The following ARHGEF7 variants were observed in gnomAD, a reference collection of about 807,000 sequenced individuals.
ARHGEF7 encodes PAK-interacting exchange factor beta.
In ARHGEF7, 33 loss-of-function variants were observed where a neutral mutation model predicts 109.8. That is an observed-to-expected ratio of 0.30 (90% CI 0.23 to 0.40). ARHGEF7 has a LOEUF of 0.40. Ranked by LOEUF, ARHGEF7 falls within the 10% of genes least tolerant of loss-of-function variation. ARHGEF7 has a pLI of 1.00. For synonymous variants in ARHGEF7, 458 were observed against 424.6 expected (o/e 1.08, Z -0.97); for missense variants, 938 against 1,098.5 (o/e 0.85, Z 2.07).
chr13:111,195,941 G>C (rs916860208), intron 2 of ARHGEF7, among the ~76,000 whole-genome samples: 1 of 152,138 alleles, frequency 6.6e-6, no homozygotes, highest in Non-Finnish European at 1.5e-5. Flanking sequence ...AGAACACTGA[G>C]GTTGCCAGGT....
intron 2 of ARHGEF7, among the ~76,000 whole-genome samples, chr13:111,199,925 A>T (rs2081015749): frequency 1.3e-5 from 2 of 152,170 alleles, no homozygotes; most frequent in South Asian, 2.1e-4. Context: ...CCACATTTGC[A>T]TGGGCTCACC....
intron 4 of ARHGEF7, among the ~76,000 whole-genome samples, chr13:111,215,123 C>G (rs766421338): frequency 6.6e-6 from 1 of 151,490 alleles, no homozygotes; most frequent in Non-Finnish European, 1.5e-5. Context: ...ATGGGGTACA[C>G]GAGCTGTCTT....
intron 2 of ARHGEF7, among the ~76,000 whole-genome samples, chr13:111,199,193 G>A (rs562575298): frequency 2.2e-4 from 33 of 152,302 alleles, no homozygotes; most frequent in African/African-American, 7.5e-4. Context: ...TGGGCTGGAT[G>A]TAGACTCCTC....
intron 1 of ARHGEF7, among the ~76,000 whole-genome samples, chr13:111,139,296 C>T (rs919711579): frequency 6.6e-6 from 1 of 152,132 alleles, no homozygotes; most frequent in Non-Finnish European, 1.5e-5. Flanking sequence ...GGAACGACAG[C>T]AGGATTCTTC....
intron 2 of ARHGEF7, among the ~76,000 whole-genome samples, chr13:111,177,584 T>C (rs2078293251): frequency 6.6e-6 from 1 of 152,202 alleles, no homozygotes; most frequent in African/African-American, 2.4e-5. Context: ...CACACGGTCC[T>C]GCTGGCAGTC....
chr13:111,147,231 G>A (rs532532253), intron 1 of ARHGEF7, among the ~76,000 whole-genome samples: 1 of 152,280 alleles, frequency 6.6e-6, no homozygotes, highest in East Asian at 1.9e-4. Context: ...AGGAATTGCC[G>A]GTCTTAGGGT....
intron 18 of ARHGEF7, 114 bp from the exon 19 acceptor site, chr13:111,292,004 C>T (rs1362734278): frequency 3.6e-6 from 3 of 835,164 alleles, no homozygotes; most frequent in African/African-American, 3.4e-5. Context: ...TTTCTCTTTT[C>T]CTTCTCTTCC....
intron 8 of ARHGEF7, among the ~76,000 whole-genome samples, chr13:111,252,786 T>A (rs533036062): frequency 6.6e-6 from 1 of 152,368 alleles, no homozygotes; most frequent in Non-Finnish European, 1.5e-5. Context: ...GGGTGAGGGA[T>A]GTGCCCAAGG....
intron 2 of ARHGEF7, among the ~76,000 whole-genome samples, chr13:111,178,765 C>G (rs1297353754): frequency 2.0e-5 from 3 of 152,204 alleles, no homozygotes; most frequent in African/African-American, 7.2e-5. Context: ...GCCAGCCCAG[C>G]TATGCTGAGA....
chr13:111,244,340 G>A (rs749224272), intron 8 of ARHGEF7, 46 bp downstream of exon 8: 1 of 1,074,232 alleles, frequency 9.3e-7, no homozygotes, highest in Non-Finnish European at 1.4e-6. Flanking sequence ...TGGTATAATT[G>A]GTATTTAAAG....
intron 13 of ARHGEF7, among the ~76,000 whole-genome samples, chr13:111,278,463 C>A (rs957253181): frequency 6.6e-6 from 1 of 152,144 alleles, no homozygotes; most frequent in African/African-American, 2.4e-5. Context: ...TTTGTGTTGG[C>A]GCAGCAAGGA....
At chr13:111,183,618 A>G (rs1042530734) in intron 2 of ARHGEF7, among the ~76,000 whole-genome samples, 3 of 152,212 alleles carry the variant, frequency 2.0e-5, no homozygotes, top group Non-Finnish European at 4.4e-5. Flanking sequence ...ATCAATTATT[A>G]TAAAGTCCTG....
chr13:111,267,691 G>A, intron 9 of ARHGEF7, 21 bp downstream of exon 9: 1 of 1,612,672 alleles, frequency 6.2e-7, no homozygotes, highest in Non-Finnish European at 8.5e-7. Context: ...TAGGCACCTT[G>A]GCAACAGGGA....
chr13:111,115,252 C>A, upstream of ARHGEF7: 1 of 147,794 alleles, frequency 6.8e-6, no homozygotes, highest in South Asian at 1.9e-4. Context: ...CTTTCTTCTC[C>A]TGGCGGTGAT....
chr13:111,249,869 C>G (rs987668954), intron 8 of ARHGEF7, among the ~76,000 whole-genome samples: 7 of 152,142 alleles, frequency 4.6e-5, no homozygotes, highest in Non-Finnish European at 1.0e-4. Flanking sequence ...GCTCTCTGTT[C>G]GGCAACAAAA....
rs1473106436 is a variant in ARHGEF7, at chr13:111,221,502, T to G, written c.670+3622T>G. On this transcript the variant is annotated intron_variant, in intron 5 of 21. Transcript: ENST00000646102. Reference sequence around the variant, plus strand: ...ATAGATATATATAGACATATATATATCTATATATATAGATATATATCTATA... The same window carrying G: ...ATAGATATATATAGACATATATATAGCTATATATATAGATATATATCTATA... Among the ~76,000 whole-genome samples, 15 of 90,018 alleles carry G rather than the reference T, an allele frequency of 1.7e-4. 1 individual carries two copies. Among genetic ancestry groups the G allele is most frequent in the Admixed American group, 6.0e-4 (4 of 6,722 alleles). 59.1% of individuals were successfully genotyped at this position (90,018 alleles called of 152,430 possible). A position where few individuals can be genotyped will look rare whatever the true frequency, so the allele number is the denominator to read the frequency against.
chr13:111,299,337 A>ATTTTTTTTTTTTTT (rs936360326), intron 19 of ARHGEF7, among the ~76,000 whole-genome samples: 3 of 106,108 alleles, frequency 2.8e-5, no homozygotes, highest in Non-Finnish European at 1.8e-5. Flanking sequence ...GAAGCCATTC[A>ATTTTTTTTTTTTTT]TTTTTTTTTT....
rs80168264 is a variant in ARHGEF7, at chr13:111,267,403, A to G, written c.951-145A>G. 5.2e-3 allele frequency: 5,372 copies of G among 1,037,616 alleles called. 223 individuals carry two copies. The African/African-American group carries it at 0.078, about 15-fold the overall frequency. 64.3% of individuals were successfully genotyped at this position (1,037,616 alleles called of 1,614,324 possible). ...CTTGCTAGACTCAAGGCAGCAACACATGTGTGCTGGGATCGGGGCCTCTGG... is the reference window on the plus strand; with the variant it reads ...CTTGCTAGACTCAAGGCAGCAACACGTGTGTGCTGGGATCGGGGCCTCTGG... On this transcript the variant is annotated intron_variant, in intron 8 of 21. Coordinates refer to ENST00000646102, the MANE Select transcript of ARHGEF7 (RefSeq NM_001354046.2).
At position 111,305,674 on chromosome 13, in the gene ARHGEF7, T is replaced by G. The variant is rs1322101203; in HGVS notation, c.*2561T>G. The G allele has an allele frequency of 9.2e-5, 14 of 152,266 alleles. No individual in the cohort carries two copies. Among genetic ancestry groups the G allele is most frequent in the Non-Finnish European group, 2.1e-4 (14 of 68,038 alleles). 9.4% of individuals were successfully genotyped at this position (152,266 alleles called of 1,614,324 possible). On this transcript the variant is annotated 3_prime_UTR_variant, in exon 22 of 22. Transcript: ENST00000646102. The stretch of plus-strand genomic sequence containing the variant: ...TCACAGACAATGTCCTAGTGTTGAC[T>G]ACTACAATGTTGATGCTACACTGTT...
Sources: allele counts gnomAD v4.1 joint callset (sites outside exome capture counted in the v4.1 genomes callset), GRCh38; gene constraint gnomAD v4.1.1; transcripts MANE v1.5; gene names NCBI Gene and HGNC (gene_info 2026-07-23, HGNC 2026-07-21).